The following GUCY1A2 variants were observed in gnomAD, a reference collection of about 807,000 sequenced individuals.
GUCY1A2 encodes the protein guanylate cyclase 1 soluble subunit alpha 2, also known as guanylate cyclase soluble subunit alpha-2.
GUCY1A2 carries 27 observed loss-of-function variants against 63.5 expected under a neutral mutation model. That is an observed-to-expected ratio of 0.43 (90% CI 0.31 to 0.59). GUCY1A2 has a LOEUF of 0.59. Ranked by LOEUF, GUCY1A2 falls within the 20% of genes least tolerant of loss-of-function variation. GUCY1A2 has a pLI of 0.11. For missense variants in GUCY1A2, 768 were observed against 913.3 expected (o/e 0.84, Z 2.05); for synonymous variants, 364 against 343.5 (o/e 1.06, Z -0.66).
chr11:106,857,446 T>C (rs960466712), intron 4 of GUCY1A2, among the ~76,000 whole-genome samples: 1 of 152,152 alleles, frequency 6.6e-6, no homozygotes, highest in Admixed American at 6.6e-5. Flanking sequence ...TGGGGGAACA[T>C]AAACATCCCA....
chr11:106,923,024 G>T (rs999233741), intron 4 of GUCY1A2, among the ~76,000 whole-genome samples: 1 of 152,040 alleles, frequency 6.6e-6, no homozygotes. Context: ...TATGTTATGG[G>T]CAATGACTGA....
At chr11:106,823,776 G>C (rs901095445) in intron 4 of GUCY1A2, among the ~76,000 whole-genome samples, 1 of 152,106 alleles carries the variant, frequency 6.6e-6, no homozygotes, top group Admixed American at 6.6e-5. Flanking sequence ...GGTGTATGAT[G>C]ATGTCTTAGT....
chr11:106,978,979 G>T (rs1459790508), intron 2 of GUCY1A2, among the ~76,000 whole-genome samples: 3 of 152,080 alleles, frequency 2.0e-5, no homozygotes, highest in Non-Finnish European at 4.4e-5. Context: ...AAATTGAAGA[G>T]AACAAAAAAT....
chr11:106,886,139 T>C (rs1011490564), intron 4 of GUCY1A2, among the ~76,000 whole-genome samples: 4 of 152,186 alleles, frequency 2.6e-5, no homozygotes, highest in African/African-American at 9.6e-5. Context: ...GAAAGGATAA[T>C]ATTTTATAGC....
intron 6 of GUCY1A2, among the ~76,000 whole-genome samples, chr11:106,720,159 G>T (rs1419754766): frequency 2.0e-5 from 3 of 152,250 alleles, no homozygotes; most frequent in Non-Finnish European, 2.9e-5. Context: ...TCCAGTTAGT[G>T]TAAGACAGAA....
intron 1 of GUCY1A2, among the ~76,000 whole-genome samples, chr11:107,006,414 G>A (rs896719601): frequency 6.6e-6 from 1 of 152,186 alleles, no homozygotes; most frequent in Non-Finnish European, 1.5e-5. Flanking sequence ...TCAGAATGCA[G>A]CATCTATTGA....
intron 4 of GUCY1A2, among the ~76,000 whole-genome samples, chr11:106,876,888 G>T (rs73553827): frequency 5.5e-4 from 83 of 152,198 alleles, no homozygotes; most frequent in Middle Eastern, 3.4e-3. Context: ...CCCAGAATCT[G>T]TGAATCTGTT....
chr11:106,743,500 T>C (rs1478182419), intron 6 of GUCY1A2, among the ~76,000 whole-genome samples: 1 of 152,200 alleles, frequency 6.6e-6, no homozygotes, highest in African/African-American at 2.4e-5. Flanking sequence ...ACAAGTGCAC[T>C]GATGTGGTTT....
intron 4 of GUCY1A2, among the ~76,000 whole-genome samples, chr11:106,884,430 T>C (rs1859870619): frequency 6.6e-6 from 1 of 151,884 alleles, no homozygotes; most frequent in African/African-American, 2.4e-5. Context: ...ACAGCGAAAA[T>C]AGCACGTACA....
In GUCY1A2 at chr11:106,835,474, TAA is replaced by T. The variant is rs1011795872; in HGVS notation, c.1207-24998_1207-24997del. Among the ~76,000 whole-genome samples the T allele has an allele frequency of 6.7e-5, 10 of 149,576 alleles. 1 individual carries two copies. The highest frequency in any genetic ancestry group is 2.0e-4 in the African/African-American group (8 of 40,674). On this transcript the variant is annotated intron_variant, in intron 4 of 7. Coordinates refer to ENST00000526355, the MANE Select transcript of GUCY1A2 (RefSeq NM_000855.3). ...TAATCAGAGTACCTGAGGGAGAGAA[TAA>T]AGAGAATGGGGAGAATAAAGAGAAT...
At chr11:106,780,186 T>G (rs1864434208) in intron 5 of GUCY1A2, among the ~76,000 whole-genome samples, 1 of 152,038 alleles carries the variant, frequency 6.6e-6, no homozygotes, top group South Asian at 2.1e-4. Context: ...CATAGGTGTG[T>G]AAACTAAATA....
intron 4 of GUCY1A2, among the ~76,000 whole-genome samples, chr11:106,880,072 C>G (rs1859803281): frequency 6.6e-6 from 1 of 151,910 alleles, no homozygotes; most frequent in Admixed American, 6.6e-5. Flanking sequence ...GGCCAGTGCG[C>G]TTGACAGCAA....
intron 5 of GUCY1A2, among the ~76,000 whole-genome samples, chr11:106,796,813 T>C (rs182034517): frequency 3.8e-4 from 58 of 152,290 alleles, no homozygotes; most frequent in African/African-American, 1.3e-3. Context: ...TGAATTTGAA[T>C]GTTGGCCTGC....
At chr11:106,803,745 A>T (rs1410652965) in intron 5 of GUCY1A2, among the ~76,000 whole-genome samples, 6 of 152,228 alleles carry the variant, frequency 3.9e-5, no homozygotes, top group Non-Finnish European at 8.8e-5. Context: ...GAGAGATTAA[A>T]TAACCCATGA....
chr11:106,919,072 A>C (rs544132107), intron 4 of GUCY1A2, among the ~76,000 whole-genome samples: 1 of 152,274 alleles, frequency 6.6e-6, no homozygotes, highest in East Asian at 1.9e-4. Context: ...CACTAGGTAC[A>C]TATTGGTGGA....
intron 4 of GUCY1A2, among the ~76,000 whole-genome samples, chr11:106,816,155 A>G (rs1858828285): frequency 7.0e-6 from 1 of 141,940 alleles, no homozygotes; most frequent in Non-Finnish European, 1.5e-5. Context: ...CAACAGCAGA[A>G]TACTCTTTCT....
chr11:106,769,254 T>C (rs918697635), intron 6 of GUCY1A2, among the ~76,000 whole-genome samples: 8 of 152,102 alleles, frequency 5.3e-5, no homozygotes, highest in African/African-American at 1.9e-4. Context: ...AGGAGAAGCA[T>C]TTACAATCAT....
chr11:106,981,477 C>CAAAAA (rs61474144), intron 2 of GUCY1A2, among the ~76,000 whole-genome samples: 63 of 130,768 alleles, frequency 4.8e-4, no homozygotes, highest in African/African-American at 1.7e-3. Flanking sequence ...CTTATTCTGG[C>CAAAAA]AAAAAAAAAA....
At chr11:106,946,844 G>C (rs1472331126) in intron 3 of GUCY1A2, among the ~76,000 whole-genome samples, 1 of 152,122 alleles carries the variant, frequency 6.6e-6, no homozygotes, top group East Asian at 1.9e-4. Flanking sequence ...GTACACTTTT[G>C]TTAGGTAAAT....
Sources: allele counts gnomAD v4.1 joint callset (sites outside exome capture counted in the v4.1 genomes callset), GRCh38; gene constraint gnomAD v4.1.1; transcripts MANE v1.5; gene names NCBI Gene and HGNC (gene_info 2026-07-23, HGNC 2026-07-21).